Variants in DMD observed in about 807,000 individuals in gnomAD.
DMD encodes the protein mutant dystrophin.
In DMD, 63 loss-of-function variants were observed where a neutral mutation model predicts 330.1. The ratio of observed to expected loss-of-function variants is 0.19; its 90% confidence interval spans 0.16 to 0.24. The LOEUF (loss-of-function observed/expected upper bound fraction) is 0.24. DMD is among the 10% of genes least tolerant of loss of function. DMD has a pLI of 1.00. For synonymous variants in DMD, 1,223 were observed against 959.8 expected (o/e 1.27, Z -5.07); for missense variants, 3,344 against 2,684.1 (o/e 1.25, Z -5.43).
At chrX:32,994,432 G>C (rs1192352032) in intron 2 of DMD, among the ~76,000 whole-genome samples, 6 of 111,207 alleles carry the variant, frequency 5.4e-5, no homozygotes, top group African/African-American at 1.6e-4. Flanking sequence ...CCTTGAACAA[G>C]TTATTTAACT....
At chrX:33,103,886 T>C (rs760622750) in intron 1 of DMD, among the ~76,000 whole-genome samples, 30 of 111,983 alleles carry the variant, frequency 2.7e-4, no homozygotes, top group Non-Finnish European at 4.7e-4. Flanking sequence ...CAATCCCAAA[T>C]AAAAATAATG....
intron 59 of DMD, among the ~76,000 whole-genome samples, chrX:31,465,437 C>T (rs779336328): frequency 4.5e-5 from 5 of 110,755 alleles, no homozygotes; most frequent in Admixed American, 9.6e-5. Flanking sequence ...CTCCCACTTA[C>T]GAGTGAGAAC....
intron 60 of DMD, among the ~76,000 whole-genome samples, chrX:31,406,817 T>C (rs931984758): frequency 9.0e-6 from 1 of 111,477 alleles, no homozygotes; most frequent in Non-Finnish European, 1.9e-5. Context: ...GTCAGTTTAG[T>C]TGGCATGTAG....
intron 7 of DMD, among the ~76,000 whole-genome samples, chrX:32,757,662 G>T (rs2071677349): frequency 9.0e-6 from 1 of 111,562 alleles, no homozygotes; most frequent in Admixed American, 9.6e-5. Flanking sequence ...CATGGAAGAT[G>T]TGACTTTGCT....
At chrX:31,684,907 G>A (rs1476041790) in intron 52 of DMD, among the ~76,000 whole-genome samples, 1 of 112,065 alleles carries the variant, frequency 8.9e-6, no homozygotes, top group African/African-American at 3.2e-5. Context: ...CAATGTACAA[G>A]TTCTAACTTA....
At chrX:32,228,090 G>A (rs770246242) in intron 43 of DMD, among the ~76,000 whole-genome samples, 140 of 111,373 alleles carry the variant, frequency 1.3e-3, no homozygotes, top group Non-Finnish European at 2.0e-3. Flanking sequence ...TTGGCTTAGG[G>A]GAAAACACCG....
At chrX:32,360,800 A>AAATAAT (rs199527400) in intron 37 of DMD, among the ~76,000 whole-genome samples, 2,742 of 95,869 alleles carry the variant, frequency 0.029, 106 homozygotes, top group African/African-American at 0.096. Flanking sequence ...CACACACACA[A>AAATAAT]AATAATAATA....
At chrX:32,779,221 G>A (rs979725877) in intron 7 of DMD, among the ~76,000 whole-genome samples, 24 of 108,677 alleles carry the variant, frequency 2.2e-4, no homozygotes, top group African/African-American at 6.9e-4. Context: ...AATGAAAGTC[G>A]TCCTATTCAT....
intron 2 of DMD, among the ~76,000 whole-genome samples, chrX:32,930,745 A>G (rs1184726629): frequency 9.1e-6 from 1 of 110,148 alleles, no homozygotes; most frequent in Non-Finnish European, 1.9e-5. Context: ...AAATCTTTAC[A>G]TGCTTTGAGA....
At chrX:32,937,141 A>G (rs2090077021) in intron 2 of DMD, among the ~76,000 whole-genome samples, 1 of 110,670 alleles carries the variant, frequency 9.0e-6, no homozygotes, top group African/African-American at 3.3e-5. Flanking sequence ...GATGACGGAG[A>G]GTTAACTGTA....
intron 2 of DMD, among the ~76,000 whole-genome samples, chrX:32,850,159 T>C (rs1603448507): frequency 9.0e-6 from 1 of 110,900 alleles, no homozygotes; most frequent in African/African-American, 3.3e-5. Flanking sequence ...GAAAAGTAAA[T>C]ACACAAAGAA....
intron 48 of DMD, among the ~76,000 whole-genome samples, chrX:31,846,530 A>G (rs186266378): frequency 1.9e-4 from 21 of 111,425 alleles, no homozygotes; most frequent in African/African-American, 6.5e-4. Context: ...GAGAGTATTA[A>G]TTCATCCTAT....
At chrX:33,335,357 T>C (rs2054236263) in intron 1 of DMD, among the ~76,000 whole-genome samples, 1 of 110,676 alleles carries the variant, frequency 9.0e-6, no homozygotes, top group Non-Finnish European at 1.9e-5. Flanking sequence ...GATACATGTC[T>C]AACAATATTA....
chrX:31,124,743 C>T (rs2033383030), intron 78 of DMD, among the ~76,000 whole-genome samples: 1 of 112,110 alleles, frequency 8.9e-6, no homozygotes, highest in South Asian at 3.7e-4. Flanking sequence ...TCTCACACGT[C>T]ACCACTGCCT....
chrX:32,066,885 T>C (rs2096263565), intron 44 of DMD, among the ~76,000 whole-genome samples: 1 of 111,494 alleles, frequency 9.0e-6, no homozygotes, highest in African/African-American at 3.3e-5. Flanking sequence ...AGTTTTAATA[T>C]AAAAATGGAT....
intron 49 of DMD, among the ~76,000 whole-genome samples, chrX:31,828,080 T>G (rs1422642461): frequency 9.0e-6 from 1 of 111,232 alleles, no homozygotes; most frequent in African/African-American, 3.3e-5. Flanking sequence ...CAGAACTAAA[T>G]GAAGTTGAAA....
chrX:32,454,904 G>T, intron 25 of DMD, 72 bp from the exon 26 acceptor site: 5 of 1,109,418 alleles, frequency 4.5e-6, no homozygotes, highest in Non-Finnish European at 6.1e-6. Flanking sequence ...TATTTCATCA[G>T]TATGTAAATA....
chrX:31,493,522 A>G (rs929599101), intron 57 of DMD, among the ~76,000 whole-genome samples: 3 of 111,866 alleles, frequency 2.7e-5, no homozygotes, highest in African/African-American at 9.8e-5. Flanking sequence ...AAAGCCCCAC[A>G]TAAGAGGGAC....
intron 7 of DMD, among the ~76,000 whole-genome samples, chrX:32,762,458 G>T (rs2072446374): frequency 1.8e-5 from 2 of 111,553 alleles, no homozygotes; most frequent in African/African-American, 6.5e-5. Flanking sequence ...AAGCAGAGAA[G>T]AAATAAGCTA....
Sources: gnomAD v4.1 joint callset for allele counts (sites outside exome capture counted in the v4.1 genomes callset) on GRCh38, gnomAD v4.1.1 for gene constraint, MANE v1.5 for transcripts, NCBI Gene and HGNC (gene_info 2026-07-23, HGNC 2026-07-21) for gene names.